Variants in MROH1 observed in about 807,000 individuals in gnomAD.
The protein encoded by MROH1 is maestro heat like repeat family member 1.
Under a neutral mutation model 116.5 loss-of-function variants are expected in MROH1, and 117 were observed. The observed-to-expected ratio is 1.00, with a 90% CI of 0.86 to 1.17. The LOEUF (loss-of-function observed/expected upper bound fraction) is 1.17, where lower values mean the gene tolerates loss of function less well. Among genes scored for constraint, MROH1 ranks in the 50% most tolerant of loss-of-function variants. The probability of loss-of-function intolerance (pLI) is 0.00; values close to 1 mark genes in which losing one functional copy is unlikely to be tolerated. For synonymous variants in MROH1, 921 were observed against 583.9 expected (o/e 1.58, Z -8.32); for missense variants, 1,873 against 1,338.5 (o/e 1.40, Z -6.23).
chr8:144,199,128 G>T lies in MROH1; in HGVS notation c.955G>T (p.Val319Leu). The change falls in exon 11 of 44, where the codon GTG becomes TTG. Residue 319 changes from valine to leucine, a missense_variant. Transcript: ENST00000326134. ...LLAALHSQICVPVESSSPLVM... is the reference protein window; with the variant it reads ...LLAALHSQICLPVESSSPLVM... ...GGCCCCGTTCCTGGAGCAGATCTGT[G>T]TGCCTGTGGAGTCCTCAAGCCCCCT... 1 of 1,613,688 alleles carries T rather than the reference G, an allele frequency of 6.2e-7. No individual in the cohort carries two copies. The highest frequency in any genetic ancestry group is 8.5e-7 in the Non-Finnish European group (1 of 1,179,770).
At chr8:144,247,476 A>G in intron 30 of MROH1, 40 bp downstream of exon 30, 1 of 765,988 alleles carries the variant, frequency 1.3e-6, no homozygotes, top group East Asian at 2.5e-5. Flanking sequence ...GTGGTCGTGC[A>G]GGGGTGCTTG....
intron 4 of MROH1, among the ~76,000 whole-genome samples, chr8:144,174,087 G>A (rs1209483331): frequency 6.6e-6 from 1 of 152,160 alleles, no homozygotes; most frequent in Non-Finnish European, 1.5e-5. Flanking sequence ...AGTGTATGCT[G>A]ATTGGTTTGT....
intron 7 of MROH1, among the ~76,000 whole-genome samples, chr8:144,190,175 A>T (rs187939495): frequency 3.9e-5 from 6 of 152,226 alleles, no homozygotes; most frequent in African/African-American, 1.4e-4. Context: ...ATCTCTTCTT[A>T]TAAGGATGTT....
At chr8:144,176,991 A>G (rs537404492) in intron 4 of MROH1, among the ~76,000 whole-genome samples, 2 of 152,250 alleles carry the variant, frequency 1.3e-5, no homozygotes, top group South Asian at 2.1e-4. Context: ...TGCGGCGCCA[A>G]CACTCACGGA....
chr8:144,248,951 C>T lies in MROH1; in HGVS notation c.3195C>T (p.Pro1065=), dbSNP rs1451581633. The T allele has an allele frequency of 9.2e-6, 7 of 761,602 alleles. No individual in the cohort carries two copies. Among genetic ancestry groups the T allele is most frequent in the African/African-American group, 1.7e-5 (1 of 58,594 alleles). 47.2% of individuals were successfully genotyped at this position (761,602 alleles called of 1,614,324 possible). The change falls in exon 32 of 44, where the codon CCC becomes CCT. Residue 1065 remains proline, a synonymous_variant. Coordinates refer to ENST00000326134, the MANE Select transcript of MROH1 (RefSeq NM_032450.3). ...LLTMFEALGD[P]EKNCSRAATV... ...CCATGTTTGAGGCCCTGGGAGACCC[C>T]GAAAAGAACTGCTCCCGAGCAGCTA...
chr8:144,151,590 G>C (rs911439108), intron 1 of MROH1, among the ~76,000 whole-genome samples: 3 of 152,162 alleles, frequency 2.0e-5, no homozygotes, highest in Non-Finnish European at 2.9e-5. Flanking sequence ...GGTGTGATCC[G>C]ACTCTGCCGG....
chr8:144,171,297 G>C, intron 4 of MROH1, among the ~76,000 whole-genome samples: 1 of 152,230 alleles, frequency 6.6e-6, no homozygotes, highest in East Asian at 1.9e-4. Context: ...TGCAGGGACA[G>C]AGTGGCCTGC....
At chr8:144,201,350 C>G (rs1456783060) in intron 12 of MROH1, among the ~76,000 whole-genome samples, 2 of 152,162 alleles carry the variant, frequency 1.3e-5, no homozygotes, top group African/African-American at 2.4e-5. Flanking sequence ...TGAGCCACCG[C>G]ACCCATCCTT....
chr8:144,259,807 T>A, intron 37 of MROH1, 104 bp from the exon 38 acceptor site: 1 of 702,798 alleles, frequency 1.4e-6, no homozygotes, highest in Non-Finnish European at 2.6e-6. Context: ...CACCTCTGTC[T>A]GCCACACCGG....
chr8:144,170,546 C>T (rs564446405), intron 4 of MROH1, among the ~76,000 whole-genome samples: 115 of 152,308 alleles, frequency 7.6e-4, no homozygotes, highest in South Asian at 2.7e-3. Flanking sequence ...CGCTTGATTG[C>T]GTCTTGCCTA....
chr8:144,242,821 G>A (rs1014631138), intron 24 of MROH1, among the ~76,000 whole-genome samples, 193 bp downstream of exon 24: 1 of 152,212 alleles, frequency 6.6e-6, no homozygotes, highest in Non-Finnish European at 1.5e-5. Context: ...ACGGCAGTGG[G>A]AAGAAGGGAG....
chr8:144,212,381 A>G (rs1220313426), intron 12 of MROH1, among the ~76,000 whole-genome samples: 1 of 151,964 alleles, frequency 6.6e-6, no homozygotes, highest in Non-Finnish European at 1.5e-5. Flanking sequence ...CACTGCACCT[A>G]GCCAAGAAGT....
intron 7 of MROH1, among the ~76,000 whole-genome samples, chr8:144,185,459 A>G (rs1826730319): frequency 6.6e-6 from 1 of 150,620 alleles, no homozygotes. Flanking sequence ...AAAGAGAGAA[A>G]CAAGCCAAGT....
At chr8:144,190,699 T>C in intron 7 of MROH1, 85 bp from the exon 8 acceptor site, 1 of 1,524,332 alleles carries the variant, frequency 6.6e-7, no homozygotes, top group Non-Finnish European at 8.9e-7. Flanking sequence ...GTGGGATTTC[T>C]GGAAGGGGCA....
At chr8:144,149,776 A>T (rs1816288451) in intron 1 of MROH1, among the ~76,000 whole-genome samples, 1 of 151,686 alleles carries the variant, frequency 6.6e-6, no homozygotes, top group Non-Finnish European at 1.5e-5. Context: ...TGCTTTCTTC[A>T]CTGAGCTTGA....
At chr8:144,205,982 T>C (rs1002097189) in intron 12 of MROH1, among the ~76,000 whole-genome samples, 4 of 152,214 alleles carry the variant, frequency 2.6e-5, no homozygotes, top group African/African-American at 9.6e-5. Context: ...GGAACATTTT[T>C]CTAAAACCCA....
intron 33 of MROH1, among the ~76,000 whole-genome samples, chr8:144,253,456 C>T (rs1788773379): frequency 6.6e-6 from 1 of 152,234 alleles, no homozygotes; most frequent in African/African-American, 2.4e-5. Context: ...GCTTGCCAGC[C>T]CTTCCCTGGG....
intron 12 of MROH1, among the ~76,000 whole-genome samples, chr8:144,202,103 A>C (rs1331518564): frequency 6.6e-6 from 1 of 151,992 alleles, no homozygotes; most frequent in Non-Finnish European, 1.5e-5. Flanking sequence ...CCAGGTTAAG[A>C]GTCAGGTGTA....
chr8:144,156,495 T>C (rs1055534182), intron 1 of MROH1, among the ~76,000 whole-genome samples: 3 of 151,876 alleles, frequency 2.0e-5, no homozygotes, highest in African/African-American at 7.2e-5. Context: ...TTGCCTGAGC[T>C]CAGGGGTTTG....
Sources: gnomAD v4.1 joint callset for allele counts (sites outside exome capture counted in the v4.1 genomes callset) on GRCh38, gnomAD v4.1.1 for gene constraint, MANE v1.5 for transcripts, NCBI Gene and HGNC (gene_info 2026-07-23, HGNC 2026-07-21) for gene names.